UHRF2: variants seen among roughly 807,000 people sequenced by gnomAD.
UHRF2 encodes ubiquitin like with PHD and ring finger domains 2.
Under a neutral mutation model 96.8 loss-of-function variants are expected in UHRF2, and 23 were observed. The ratio of observed to expected loss-of-function variants is 0.24; its 90% CI spans 0.17 to 0.34. The LOEUF (loss-of-function observed/expected upper bound fraction) is 0.34. Ranked by LOEUF, UHRF2 falls within the 10% of genes least tolerant of loss-of-function variation. UHRF2 has a pLI of 1.00. For synonymous variants in UHRF2, 385 were observed against 332.6 expected, an observed-to-expected ratio of 1.16 and a Z score of -1.72; for missense variants, 685 against 981.5, an observed-to-expected ratio of 0.70 and a Z score of 4.04.
At chr9:6,489,983 A>G (rs1020925244) in intron 9 of UHRF2, among the ~76,000 whole-genome samples, 3 of 152,204 alleles carry the variant, frequency 2.0e-5, no homozygotes, top group Non-Finnish European at 2.9e-5. Flanking sequence ...TTTAGCATCC[A>G]TATTTTGAAG....
At chr9:6,475,294 C>G in intron 4 of UHRF2, 97 bp from the exon 5 acceptor site, 1 of 609,366 alleles carries the variant, frequency 1.6e-6, no homozygotes, top group South Asian at 3.9e-5. Context: ...TATAAATAGA[C>G]AGATTTCAGT....
intron 6 of UHRF2, among the ~76,000 whole-genome samples, chr9:6,481,176 A>AAT (rs1330020602): frequency 1.3e-5 from 2 of 152,240 alleles, no homozygotes; most frequent in Non-Finnish European, 2.9e-5. Flanking sequence ...CGATAAGGTT[A>AAT]ATATAAACAA....
chr9:6,416,367 C>G (rs555211366), intron 1 of UHRF2, among the ~76,000 whole-genome samples: 1 of 151,900 alleles, frequency 6.6e-6, no homozygotes, highest in African/African-American at 2.4e-5. Flanking sequence ...CGTGCCCAGC[C>G]TTGACTCCAC....
intron 9 of UHRF2, among the ~76,000 whole-genome samples, chr9:6,493,357 G>C (rs542030370): frequency 6.6e-6 from 1 of 152,140 alleles, no homozygotes; most frequent in East Asian, 1.9e-4. Flanking sequence ...CTTATTTATT[G>C]TCAATGCCAG....
At chr9:6,420,357 T>A (rs369182445) in intron 1 of UHRF2, among the ~76,000 whole-genome samples, 3 of 146,282 alleles carry the variant, frequency 2.1e-5, no homozygotes, top group African/African-American at 7.5e-5. Flanking sequence ...GCCCGGCCCA[T>A]TTTTTTTGTT....
rs753459104 is a variant in UHRF2 at position 6,413,540 on chromosome 9, A to G, written c.50A>G (p.Glu17Gly). The G allele has an allele frequency of 1.9e-6, 3 of 1,596,062 alleles. No individual in the cohort carries two copies. Among genetic ancestry groups the G allele is most frequent in the Middle Eastern group, 1.7e-4 (1 of 6,008 alleles). The change falls in exon 1 of 16, where the codon GAG becomes GGG. Residue 17 changes from glutamate (E) to glycine (G), a missense_variant. Coordinates refer to ENST00000276893, the MANE Select transcript of UHRF2 (RefSeq NM_152896.3). ...GATGGCTCCAAGACGTGCACCATTG[A>G]GGACGTGTCTCGCAAAGCCACGATT... ...TIDGSKTCTI[E>G]DVSRKATIEE...
At chr9:6,452,322 G>C (rs187640223) in intron 3 of UHRF2, among the ~76,000 whole-genome samples, 26 of 152,278 alleles carry the variant, frequency 1.7e-4, no homozygotes, top group African/African-American at 6.3e-4. Context: ...GAATTCCTGG[G>C]TCAGAAAGCA....
At chr9:6,502,239 A>G (rs1233990242) in intron 14 of UHRF2, among the ~76,000 whole-genome samples, 1 of 152,030 alleles carries the variant, frequency 6.6e-6, no homozygotes, top group African/African-American at 2.4e-5. Context: ...TTAAACTGGT[A>G]CTCTTGTGCC....
intron 5 of UHRF2, among the ~76,000 whole-genome samples, chr9:6,476,235 T>C (rs768897429): frequency 6.6e-6 from 1 of 152,218 alleles, no homozygotes; most frequent in Non-Finnish European, 1.5e-5. Context: ...GGCAGAATAA[T>C]ATTTTATTGT....
intron 9 of UHRF2, among the ~76,000 whole-genome samples, chr9:6,487,193 T>A (rs1025413173): frequency 7.7e-6 from 1 of 130,632 alleles, no homozygotes; most frequent in African/African-American, 3.0e-5. Context: ...TTTTTTTTTT[T>A]TTTTTTTTTT....
chr9:6,450,594 A>G (rs1410458092), intron 3 of UHRF2, among the ~76,000 whole-genome samples: 1 of 152,132 alleles, frequency 6.6e-6, no homozygotes, highest in Non-Finnish European at 1.5e-5. Context: ...AAAATTTGTT[A>G]CCAGCTTGTA....
chr9:6,441,307 G>T (rs1399089647), intron 3 of UHRF2, among the ~76,000 whole-genome samples: 1 of 152,094 alleles, frequency 6.6e-6, no homozygotes, highest in African/African-American at 2.4e-5. Flanking sequence ...CCAGGAGGTG[G>T]AGGTTGCAGT....
At chr9:6,413,804 C>T (rs775337707) in intron 1 of UHRF2, 161 bp downstream of exon 1, 4 of 914,200 alleles carry the variant, frequency 4.4e-6, no homozygotes, top group Non-Finnish European at 5.9e-6. Flanking sequence ...GGGGCCCAGT[C>T]CCGCCGAATG....
chr9:6,450,651 C>A (rs965648311), intron 3 of UHRF2, among the ~76,000 whole-genome samples: 1 of 152,132 alleles, frequency 6.6e-6, no homozygotes, highest in African/African-American at 2.4e-5. Context: ...GAGATTGATA[C>A]TTTTAAGTAT....
intron 14 of UHRF2, among the ~76,000 whole-genome samples, chr9:6,503,952 A>G (rs1816440610): frequency 1.4e-5 from 2 of 145,462 alleles, no homozygotes; most frequent in Admixed American, 6.9e-5. Flanking sequence ...GGATTTCTTT[A>G]TATAACTTTG....
intron 4 of UHRF2, among the ~76,000 whole-genome samples, chr9:6,467,064 A>G (rs573375781): frequency 2.6e-5 from 4 of 152,260 alleles, no homozygotes; most frequent in African/African-American, 7.2e-5. Flanking sequence ...TAGCTTAAAC[A>G]ATAAAGCATA....
At position 6,413,408 on chromosome 9, in the gene UHRF2, G is replaced by A; in HGVS notation, c.-83G>A. On this transcript the variant is annotated 5_prime_UTR_variant, in exon 1 of 16. Coordinates refer to ENST00000276893, the MANE Select transcript of UHRF2 (RefSeq NM_152896.3). ...CTGCCGCTGAGGGCCCGAGCCGCAG[G>A]GAAAGCGGCGCGGGCCGGGCGGGGC... 1 of 1,271,778 alleles carries A rather than the reference G, an allele frequency of 7.9e-7. No individual in the cohort carries two copies. The highest frequency in any genetic ancestry group is 1.0e-6 in the Non-Finnish European group (1 of 994,590). 78.8% of individuals were successfully genotyped at this position (1,271,778 alleles called of 1,614,324 possible).
chr9:6,459,397 G>A (rs893119651), intron 3 of UHRF2, among the ~76,000 whole-genome samples: 28 of 152,126 alleles, frequency 1.8e-4, no homozygotes, highest in African/African-American at 6.8e-4. Flanking sequence ...GGCCGGGTGC[G>A]GTGGCTCATG....
At chr9:6,458,438 A>G (rs983769673) in intron 3 of UHRF2, among the ~76,000 whole-genome samples, 7 of 148,000 alleles carry the variant, frequency 4.7e-5, no homozygotes, top group African/African-American at 1.2e-4. Flanking sequence ...TCAAAAAACC[A>G]GCTCCTGGAT....
Sources: gnomAD v4.1 joint callset for allele counts (sites outside exome capture counted in the v4.1 genomes callset) on GRCh38, gnomAD v4.1.1 for gene constraint, MANE v1.5 for transcripts, NCBI Gene and HGNC (gene_info 2026-07-23, HGNC 2026-07-21) for gene names.